Variants in DIAPH3 observed in about 807,000 individuals in gnomAD.
The protein encoded by DIAPH3 is diaphanous related formin 3.
In DIAPH3, 117 loss-of-function variants were observed where a neutral mutation model predicts 144.3. That is an observed-to-expected ratio of 0.81 (90% CI 0.70 to 0.95). The LOEUF (loss-of-function observed/expected upper bound fraction) is 0.95. DIAPH3 is among the 40% of genes least tolerant of loss of function. The probability of loss-of-function intolerance (pLI) is 0.00; values close to 1 mark genes in which losing one functional copy is unlikely to be tolerated. For synonymous variants in DIAPH3, 519 were observed against 488.9 expected (o/e 1.06, Z -0.81); for missense variants, 1,421 against 1,412.7 (o/e 1.01, Z -0.09).
At chr13:60,121,914 G>A (rs1047119906) in intron 2 of DIAPH3, among the ~76,000 whole-genome samples, 9 of 152,028 alleles carry the variant, frequency 5.9e-5, no homozygotes, top group Non-Finnish European at 1.0e-4. Flanking sequence ...CTCTACTGTC[G>A]CTAGCTCAGG....
At chr13:60,152,770 A>G (rs1951852946) in intron 1 of DIAPH3, among the ~76,000 whole-genome samples, 1 of 152,052 alleles carries the variant, frequency 6.6e-6, no homozygotes, top group Non-Finnish European at 1.5e-5. Flanking sequence ...TATTTAACCA[A>G]AAAAACTATT....
At chr13:59,829,892 C>A (rs1425875523) in intron 24 of DIAPH3, among the ~76,000 whole-genome samples, 1 of 151,754 alleles carries the variant, frequency 6.6e-6, no homozygotes, top group South Asian at 2.1e-4. Context: ...GGTTCCAACC[C>A]CTGATATGTA....
chr13:60,011,815 A>C (rs1233910007), intron 7 of DIAPH3, among the ~76,000 whole-genome samples: 2 of 152,238 alleles, frequency 1.3e-5, no homozygotes, highest in African/African-American at 2.4e-5. Flanking sequence ...ATGCAGTTGT[A>C]AACTCATTCT....
intron 27 of DIAPH3, among the ~76,000 whole-genome samples, chr13:59,712,179 C>G (rs376479194): frequency 2.4e-4 from 36 of 152,158 alleles, no homozygotes; most frequent in African/African-American, 7.5e-4. Context: ...AACAGAGAGG[C>G]AGAAAGAGGC....
At chr13:60,138,350 G>C (rs1040690422) in intron 1 of DIAPH3, among the ~76,000 whole-genome samples, 3 of 152,126 alleles carry the variant, frequency 2.0e-5, no homozygotes, top group African/African-American at 7.2e-5. Context: ...ACCACTATCA[G>C]CCATTAAACA....
intron 4 of DIAPH3, among the ~76,000 whole-genome samples, chr13:60,059,207 C>T (rs906235630): frequency 7.9e-5 from 12 of 150,948 alleles, no homozygotes; most frequent in Admixed American, 7.9e-4. Flanking sequence ...GTGTTAGAAG[C>T]CAGGAGAGAA....
chr13:59,834,365 T>C (rs1001681574), intron 23 of DIAPH3, among the ~76,000 whole-genome samples: 1 of 151,720 alleles, frequency 6.6e-6, no homozygotes, highest in Non-Finnish European at 1.5e-5. Flanking sequence ...TAACTTTGAC[T>C]AGCCATTAGC....
chr13:59,957,956 A>C (rs1273806157), intron 17 of DIAPH3, among the ~76,000 whole-genome samples: 1 of 152,178 alleles, frequency 6.6e-6, no homozygotes, highest in Non-Finnish European at 1.5e-5. Flanking sequence ...AATCAAAAAG[A>C]AAAGAAGATT....
chr13:59,978,728 C>T (rs1180359480), intron 14 of DIAPH3, among the ~76,000 whole-genome samples: 1 of 151,572 alleles, frequency 6.6e-6, no homozygotes, highest in Non-Finnish European at 1.5e-5. Flanking sequence ...CCATTAAAAG[C>T]ACACCTTATA....
chr13:59,922,481 T>C (rs890013029), intron 18 of DIAPH3, among the ~76,000 whole-genome samples: 2 of 152,076 alleles, frequency 1.3e-5, no homozygotes, highest in Admixed American at 1.3e-4. Flanking sequence ...CAATGAACTT[T>C]AGAAATGAAC....
Position 59,808,420 on chromosome 13 carries a change from GC to G in DIAPH3, c.3163+2367del, listed in dbSNP as rs2040301119. On this transcript the variant is annotated intron_variant, in intron 25 of 27. Coordinates refer to ENST00000400324, the MANE Select transcript of DIAPH3 (RefSeq NM_001042517.2). The stretch of plus-strand genomic sequence containing the variant: ...CATAATTTTAAAATCTATAAAATTA[GC>G]AAAAATCTTAAAAAATAAGAATATT... 3.9e-5 allele frequency among the ~76,000 whole-genome samples: 6 copies of G among 151,918 alleles called. 1 individual carries two copies. The South Asian group carries it at 1.2e-3, about 31-fold the overall frequency.
At chr13:60,014,728 A>C (rs968334777) in intron 7 of DIAPH3, among the ~76,000 whole-genome samples, 15 of 152,196 alleles carry the variant, frequency 9.9e-5, no homozygotes, top group African/African-American at 3.4e-4. Flanking sequence ...GCTATAAAAC[A>C]AAAATAATCG....
At chr13:59,844,503 C>T (rs373520476) in intron 22 of DIAPH3, among the ~76,000 whole-genome samples, 2 of 127,696 alleles carry the variant, frequency 1.6e-5, no homozygotes, top group African/African-American at 3.1e-5. Context: ...GACTCCATCC[C>T]AAAAAAAAAA....
At chr13:59,695,368 T>C (rs533686175) in intron 27 of DIAPH3, 8 of 152,366 alleles carry the variant, frequency 5.3e-5, no homozygotes, top group African/African-American at 1.4e-4. Flanking sequence ...GGAGGAATAA[T>C]ACTAAATCTA....
chr13:59,942,562 A>G (rs1157129382), intron 17 of DIAPH3, among the ~76,000 whole-genome samples: 4 of 152,178 alleles, frequency 2.6e-5, no homozygotes, highest in Non-Finnish European at 5.9e-5. Context: ...ACAATATAGA[A>G]GTACAATTTT....
At chr13:59,965,844 GT>G (rs1263253796) in intron 17 of DIAPH3, among the ~76,000 whole-genome samples, 2 of 152,080 alleles carry the variant, frequency 1.3e-5, no homozygotes, top group Non-Finnish European at 2.9e-5. Flanking sequence ...TATCCCCAAT[GT>G]CAAGCATGAG....
chr13:59,808,860 G>C (rs1240088675), intron 25 of DIAPH3, among the ~76,000 whole-genome samples: 4 of 152,166 alleles, frequency 2.6e-5, no homozygotes. Flanking sequence ...AGAACAGTGT[G>C]CAGAAATGTT....
chr13:59,991,868 T>C (rs1357115390), intron 11 of DIAPH3, among the ~76,000 whole-genome samples, 200 bp downstream of exon 11: 4 of 151,940 alleles, frequency 2.6e-5, no homozygotes, highest in African/African-American at 7.2e-5. Flanking sequence ...CAGAATCCAT[T>C]TGTTAGTTGC....
chr13:59,884,747 A>G, intron 20 of DIAPH3, among the ~76,000 whole-genome samples: 1 of 150,024 alleles, frequency 6.7e-6, no homozygotes, highest in East Asian at 2.0e-4. Context: ...TTCTCAGAAA[A>G]AAACACAAGT....
Sources: allele counts gnomAD v4.1 joint callset (sites outside exome capture counted in the v4.1 genomes callset), GRCh38; gene constraint gnomAD v4.1.1; transcripts MANE v1.5; gene names NCBI Gene and HGNC (gene_info 2026-07-23, HGNC 2026-07-21).